The following CROCC variants were observed in gnomAD, a reference collection of about 807,000 sequenced individuals.
CROCC encodes ciliary rootlet coiled-coil, rootletin.
Under a neutral mutation model 245.2 loss-of-function variants are expected in CROCC, and 180 were observed. That is an observed-to-expected ratio of 0.73 (90% CI 0.65 to 0.83). The LOEUF (loss-of-function observed/expected upper bound fraction) is 0.83. Among genes scored for constraint, CROCC ranks in the 40% least tolerant of loss-of-function variants. The pLI, the probability that CROCC is intolerant of heterozygous loss-of-function variation, is 0.00. For missense variants in CROCC, 2,688 were observed against 2,779.4 expected (o/e 0.97, Z 0.74); for synonymous variants, 1,205 against 1,241.6 (o/e 0.97, Z 0.62).
intron 8 of CROCC, 60 bp downstream of exon 8, chr1:16,931,457 C>A (rs1248732447): frequency 1.4e-6 from 2 of 1,462,034 alleles, no homozygotes; most frequent in Non-Finnish European, 1.9e-6. Context: ...TTATGTCCAA[C>A]TGAACTCAGT....
rs2076315107 is a variant in CROCC at position 16,960,652 on chromosome 1, G to A, written c.4033-106G>A. On this transcript the variant is annotated intron_variant, in intron 26 of 36. Transcript: ENST00000375541. ...GGCGAGCACTAAAGGAGAAAGGGTT[G>A]TACTGACCACACAGTCAGGGATGGT... The A allele has an allele frequency of 1.5e-5, 20 of 1,332,634 alleles. No individual in the cohort carries two copies. The East Asian group carries it at 6.1e-4, about 41-fold the overall frequency. The allele number at this position is 1,332,634 out of a possible 1,614,324, so 82.6% of individuals were successfully genotyped here.
chr1:16,949,009 T>G, intron 19 of CROCC, 83 bp downstream of exon 19: 1 of 1,543,496 alleles, frequency 6.5e-7, no homozygotes, highest in Non-Finnish European at 8.8e-7. Flanking sequence ...TCACAGAAGT[T>G]GGGAGCACTG....
Position 16,948,822 on chromosome 1 carries a change from G to A in CROCC, c.2732G>A (p.Gly911Asp), listed in dbSNP as rs2076109371. 6.2e-7 allele frequency: 1 copy of A among 1,611,664 alleles called. No homozygotes were observed. The highest frequency in any genetic ancestry group is 1.1e-5 in the South Asian group (1 of 90,990). ...RLRLEKEALE[G>D]SLFEVQRQLA... is the part of the protein sequence containing the mutation. Reference sequence around the variant, plus strand: ...AGCTTGGAGAAGGAAGCCCTGGAGGGCAGCCTGTTTGAGGTGCAACGGCAG... The same window carrying A: ...AGCTTGGAGAAGGAAGCCCTGGAGGACAGCCTGTTTGAGGTGCAACGGCAG... The change falls in exon 19 of 37, where the codon GGC (glycine) becomes GAC (aspartate). Residue 911 changes from glycine to aspartate, a missense_variant. This residue lies in a region of CROCC where 26 missense variants were observed against 40.3 expected (regional missense o/e 0.64). Coordinates refer to ENST00000375541, the MANE Select transcript of CROCC (RefSeq NM_014675.5).
chr1:16,918,970 C>G (rs1472627437), upstream of CROCC, among the ~76,000 whole-genome samples: 2 of 152,282 alleles, frequency 1.3e-5, no homozygotes, highest in Non-Finnish European at 2.9e-5. Context: ...TTCCTGACCT[C>G]AAGTGATCGA....
At chr1:16,956,246 A>C in intron 25 of CROCC, 90 bp downstream of exon 25, 2 of 1,324,542 alleles carry the variant, frequency 1.5e-6, no homozygotes, top group Non-Finnish European at 2.0e-6. Context: ...TTCTACCCCT[A>C]TGTAAAACCA....
chr1:16,921,873 C>T (rs554081684), upstream of CROCC: 1 of 786,864 alleles, frequency 1.3e-6, no homozygotes, highest in Non-Finnish European at 2.1e-6. Flanking sequence ...GCTCCTCCCA[C>T]CGCGGTGGTC....
chr1:16,972,461 C>G lies in CROCC; in HGVS notation c.*15C>G. ...CAGAGAAATGAGCTCCTGCTGGCAT[C>G]TGGAGAACACCCCTGTGCCTGGGAC... is the stretch of plus-strand genomic sequence containing the variant. On this transcript the variant is annotated 3_prime_UTR_variant, in exon 37 of 37. Coordinates refer to ENST00000375541, the MANE Select transcript of CROCC (RefSeq NM_014675.5). The G allele has an allele frequency of 2.5e-6, 4 of 1,601,428 alleles. No individual in the cohort carries two copies. The highest frequency in any genetic ancestry group is 3.4e-6 in the Non-Finnish European group (4 of 1,169,900).
At chr1:16,943,846 G>A (rs1215089182) in intron 13 of CROCC, among the ~76,000 whole-genome samples, 31 of 152,394 alleles carry the variant, frequency 2.0e-4, no homozygotes, top group African/African-American at 7.5e-4. Context: ...TACCTGGTAG[G>A]GTGCTTGGAG....
In CROCC at chr1:16,948,354, G is replaced by C. The variant is rs1307651691; in HGVS notation, c.2538G>C (p.Arg846=). 6.3e-7 allele frequency: 1 copy of C among 1,578,412 alleles called. No individual in the cohort carries two copies. The highest frequency in any genetic ancestry group is 1.8e-5 in the Admixed American group (1 of 55,816). The change falls in exon 18 of 37, where the codon CGG becomes CGC. Residue 846 remains arginine (R), a synonymous_variant. Transcript: ENST00000375541. ...LAQLSRQLSG[R]EQELEQARRE... Reference sequence around the variant, plus strand: ...AGCTCTCCCGGCAGCTGAGCGGGCGGGAGCAGGAGCTGGAGCAGGCCCGGC... The same window carrying C: ...AGCTCTCCCGGCAGCTGAGCGGGCGCGAGCAGGAGCTGGAGCAGGCCCGGC...
At chr1:16,947,739 A>G (rs1487821894) in intron 17 of CROCC, among the ~76,000 whole-genome samples, 1 of 152,202 alleles carries the variant, frequency 6.6e-6, no homozygotes, top group Non-Finnish European at 1.5e-5. Context: ...TCTGGTTTAT[A>G]TATTCAGCTT....
intron 32 of CROCC, 74 bp downstream of exon 32, chr1:16,969,414 C>A: frequency 2.8e-6 from 4 of 1,439,980 alleles, no homozygotes; most frequent in Non-Finnish European, 3.8e-6. Flanking sequence ...TGGAGGGGGG[C>A]CCTGGTAGAG....
chr1:16,945,972 G>A (rs1375503271), intron 15 of CROCC, among the ~76,000 whole-genome samples: 1 of 152,282 alleles, frequency 6.6e-6, no homozygotes, highest in Non-Finnish European at 1.5e-5. Context: ...TGCAGCCTGG[G>A]CTCTGAGCAG....
At chr1:16,918,948 G>C (rs1215574141), upstream of CROCC, among the ~76,000 whole-genome samples, 1 of 151,162 alleles carries the variant, frequency 6.6e-6, no homozygotes, top group Non-Finnish European at 1.5e-5. Flanking sequence ...CGTTGGCCAG[G>C]CTGGTCTAGA....
chr1:16,943,347 C>T (rs368482261), intron 13 of CROCC, among the ~76,000 whole-genome samples: 1 of 152,182 alleles, frequency 6.6e-6, no homozygotes, highest in Admixed American at 6.6e-5. Flanking sequence ...ACCATCCTGG[C>T]TAACACAGTG....
rs1387665424 is a variant in CROCC, at chr1:16,965,892, G to A, written c.4575G>A (p.Arg1525=). 3 of 1,612,740 alleles carry A rather than the reference G, an allele frequency of 1.9e-6. No individual in the cohort carries two copies. Among genetic ancestry groups the A allele is most frequent in the South Asian group, 1.1e-5 (1 of 91,048 alleles). ...LQELRSAQRE[R]DELRTQTSAL... is the part of the protein sequence containing the mutation. ...AGCTGCGGAGTGCCCAGAGAGAACG[G>A]GTAAGCCTGGGTGTGCATGGCTGGA... Residue 1525 remains arginine (R), a splice_region_variant and synonymous_variant, in exon 28 of 37, where the codon CGG becomes CGA. Transcript: ENST00000375541.
chr1:16,961,904 G>A (rs2076339955), intron 27 of CROCC, among the ~76,000 whole-genome samples: 1 of 152,110 alleles, frequency 6.6e-6, no homozygotes, highest in South Asian at 2.1e-4. Flanking sequence ...TGGACCGGGG[G>A]CTGGAGGGCT....
rs1230029688 is a variant in CROCC, at chr1:16,937,740, G to C, written c.1290+3G>C. On this transcript the variant is annotated splice_donor_region_variant and intron_variant, in intron 10 of 36. Coordinates refer to ENST00000375541, the MANE Select transcript of CROCC (RefSeq NM_014675.5). ...TCACTGAGAAGCTTGAGGCCCTGGTGAGCTGCAGGTGCCCCTGAGATGGGG... is the reference window on the plus strand; with the variant it reads ...TCACTGAGAAGCTTGAGGCCCTGGTCAGCTGCAGGTGCCCCTGAGATGGGG... The C allele has an allele frequency of 6.2e-7, 1 of 1,606,864 alleles. No homozygotes were observed. The highest frequency in any genetic ancestry group is 2.2e-5 in the East Asian group (1 of 44,828).
At chr1:16,926,354 G>C (rs1455200245) in intron 3 of CROCC, among the ~76,000 whole-genome samples, 3 of 152,256 alleles carry the variant, frequency 2.0e-5, no homozygotes, top group African/African-American at 7.2e-5. Flanking sequence ...AAGGTCAGTG[G>C]TGGTCCTGGG....
intron 26 of CROCC, 47 bp downstream of exon 26, chr1:16,958,797 A>G: frequency 6.5e-7 from 1 of 1,534,990 alleles, no homozygotes; most frequent in South Asian, 1.2e-5. Flanking sequence ...TTCCCCCAGC[A>G]GGAAGCAGGT....
Sources: gnomAD v4.1 joint callset for allele counts (sites outside exome capture counted in the v4.1 genomes callset) on GRCh38, gnomAD v4.1.1 for gene constraint, gnomAD v4.1.1 regional missense constraint, MANE v1.5 for transcripts, NCBI Gene and HGNC (gene_info 2026-07-23, HGNC 2026-07-21) for gene names.